Variants in CAMTA1 observed in about 807,000 individuals in gnomAD.
The protein encoded by CAMTA1 is calmodulin binding transcription activator 1.
Under a neutral mutation model 170.9 loss-of-function variants are expected in CAMTA1, and 27 were observed. The observed-to-expected ratio is 0.16, with a 90% CI of 0.12 to 0.22. CAMTA1 has a LOEUF of 0.22. Ranked by LOEUF, CAMTA1 falls within the 10% of genes least tolerant of loss-of-function variation. The pLI, the probability that CAMTA1 is intolerant of heterozygous loss-of-function variation, is 1.00. For synonymous variants in CAMTA1, 833 were observed against 891.5 expected, an observed-to-expected ratio of 0.93 and a Z score of 1.17; for missense variants, 1,619 against 2,217.2, an observed-to-expected ratio of 0.73 and a Z score of 5.42.
chr1:6,963,279 C>CTCCCCCCA (rs1690879453), intron 3 of CAMTA1, among the ~76,000 whole-genome samples: 2 of 24,018 alleles, frequency 8.3e-5, no homozygotes, highest in African/African-American at 2.0e-4. Flanking sequence ...TGGCCCCCCC[C>CTCCCCCCA]CCCCCCCCGC....
chr1:7,142,255 C>A, intron 4 of CAMTA1: 1 of 466,980 alleles, frequency 2.1e-6, no homozygotes, highest in South Asian at 1.6e-5. Context: ...AGCCTCTCTG[C>A]TTTCTTTCAA....
chr1:7,349,245 C>T (rs900069077), intron 5 of CAMTA1, among the ~76,000 whole-genome samples: 1 of 152,202 alleles, frequency 6.6e-6, no homozygotes, highest in Non-Finnish European at 1.5e-5. Context: ...CCATTCTTTT[C>T]TCCAGCATCA....
intron 11 of CAMTA1, among the ~76,000 whole-genome samples, chr1:7,719,864 C>T (rs1299060808): frequency 6.6e-6 from 1 of 152,226 alleles, no homozygotes; most frequent in Non-Finnish European, 1.5e-5. Context: ...TGCAGGCATG[C>T]CTCCTTTGCC....
At chr1:6,926,326 C>T (rs533621137) in intron 3 of CAMTA1, among the ~76,000 whole-genome samples, 4 of 149,698 alleles carry the variant, frequency 2.7e-5, no homozygotes, top group South Asian at 2.2e-4. Context: ...CCCTCCCCTC[C>T]CCTCTCCTCT....
intron 6 of CAMTA1, among the ~76,000 whole-genome samples, chr1:7,511,072 G>A (rs1246682853): frequency 6.9e-6 from 1 of 145,604 alleles, no homozygotes; most frequent in African/African-American, 2.5e-5. Flanking sequence ...TCTTTCCACA[G>A]CCAGAAACTC....
chr1:7,663,888 G>C lies in CAMTA1; in HGVS notation c.1341G>C (p.Thr447=), dbSNP rs776933060. 1 of 1,613,928 alleles carries C rather than the reference G, an allele frequency of 6.2e-7. No homozygotes were observed. Among genetic ancestry groups the C allele is most frequent in the Non-Finnish European group, 8.5e-7 (1 of 1,180,042 alleles). Residue 447 remains threonine, a synonymous_variant, in exon 9 of 23, where the codon ACG becomes ACC. Transcript: ENST00000303635. ...GCCACAAGTTCGCCTTTCCCACCAC[G>C]GGCAGCTCGGAGAGCCTGTCCATGC... ...SDGHKFAFPT[T]GSSESLSMLP... is the part of the protein sequence containing the mutation.
At chr1:7,225,051 C>G (rs947947438) in intron 4 of CAMTA1, among the ~76,000 whole-genome samples, 1 of 151,562 alleles carries the variant, frequency 6.6e-6, no homozygotes, top group Non-Finnish European at 1.5e-5. Flanking sequence ...GGGCAGGGCA[C>G]TGGAGCCTGG....
At chr1:7,448,931 C>T (rs373401531) in intron 5 of CAMTA1, among the ~76,000 whole-genome samples, 3 of 152,334 alleles carry the variant, frequency 2.0e-5, no homozygotes, top group South Asian at 2.1e-4. Flanking sequence ...GGCAGCGATC[C>T]AGGCTGTTTT....
intron 1 of CAMTA1, among the ~76,000 whole-genome samples, chr1:6,809,215 C>T (rs1445513441): frequency 2.6e-5 from 4 of 151,856 alleles, no homozygotes; most frequent in Admixed American, 6.6e-5. Flanking sequence ...TTAGTAGAGA[C>T]GGGGTTTCAC....
intron 3 of CAMTA1, among the ~76,000 whole-genome samples, chr1:6,939,981 A>G (rs1237218190): frequency 6.6e-6 from 1 of 152,260 alleles, no homozygotes; most frequent in African/African-American, 2.4e-5. Flanking sequence ...CTGGACTGTG[A>G]GCTCCTCCAG....
chr1:6,941,770 G>A (rs568480960), intron 3 of CAMTA1, among the ~76,000 whole-genome samples: 6 of 152,370 alleles, frequency 3.9e-5, no homozygotes, highest in Middle Eastern at 3.4e-3. Flanking sequence ...GGTGGAGGCC[G>A]TACAGGTGAG....
chr1:7,538,280 A>G (rs980454914), intron 6 of CAMTA1, among the ~76,000 whole-genome samples: 5 of 152,210 alleles, frequency 3.3e-5, no homozygotes, highest in Non-Finnish European at 7.3e-5. Context: ...GAGTCAGTGC[A>G]AGCAGACATC....
At chr1:7,320,147 C>T (rs890417904) in intron 5 of CAMTA1, among the ~76,000 whole-genome samples, 17 of 152,252 alleles carry the variant, frequency 1.1e-4, no homozygotes, top group African/African-American at 3.4e-4. Flanking sequence ...ATCAAGTAGA[C>T]GTGGTAAGGT....
At position 7,298,904 on chromosome 1, in the gene CAMTA1, C is replaced by T. The variant is rs1674364200; in HGVS notation, c.438+49278C>T. Among the ~76,000 whole-genome samples the T allele has an allele frequency of 2.0e-5, 3 of 152,130 alleles. No homozygotes were observed. The South Asian group carries it at 6.2e-4, about 32-fold the overall frequency. On this transcript the variant is annotated intron_variant, in intron 5 of 22. Transcript: ENST00000303635. ...CCCGAGCAGCCAACATTTCACCCTT[C>T]CTTCCTCTCTCTTCCCTTGCCGACC...
intron 4 of CAMTA1, among the ~76,000 whole-genome samples, chr1:7,156,607 A>G (rs1646901219): frequency 6.6e-6 from 1 of 152,208 alleles, no homozygotes; most frequent in South Asian, 2.1e-4. Context: ...AGGGTAAGGA[A>G]TTTTTTGGCC....
intron 3 of CAMTA1, among the ~76,000 whole-genome samples, chr1:6,975,027 A>C (rs909780811): frequency 6.6e-6 from 1 of 152,244 alleles, no homozygotes; most frequent in African/African-American, 2.4e-5. Flanking sequence ...TTAAATTATC[A>C]ATAAATCACC....
In CAMTA1 at chr1:7,225,169, C is replaced by T. The variant is rs188486360; in HGVS notation, c.303-24322C>T. Among the ~76,000 whole-genome samples the T allele has an allele frequency of 4.4e-4, 67 of 152,264 alleles. No homozygotes were observed. In the East Asian group the frequency reaches 0.011, roughly 26 times the overall value. On this transcript the variant is annotated intron_variant, in intron 4 of 22. Transcript: ENST00000303635. The stretch of plus-strand genomic sequence containing the variant: ...GCACGATCGCAGCTCACTGCAAGCT[C>T]TGCCTCCCGGGCTCATGCCATTCTC...
intron 4 of CAMTA1, among the ~76,000 whole-genome samples, chr1:7,237,016 G>T (rs1432786817): frequency 1.3e-5 from 2 of 152,232 alleles, no homozygotes; most frequent in Non-Finnish European, 2.9e-5. Context: ...TCAGGGCTGG[G>T]AGGCAGTTGG....
intron 3 of CAMTA1, among the ~76,000 whole-genome samples, chr1:7,061,327 CCTG>C (rs1472419397): frequency 6.6e-6 from 1 of 152,212 alleles, no homozygotes; most frequent in African/African-American, 2.4e-5. Context: ...TGTCCACCGT[CCTG>C]CTGGTCGCCA....
Sources: gnomAD v4.1 joint callset for allele counts (sites outside exome capture counted in the v4.1 genomes callset) on GRCh38, gnomAD v4.1.1 for gene constraint, MANE v1.5 for transcripts, NCBI Gene and HGNC (gene_info 2026-07-23, HGNC 2026-07-21) for gene names.